Variants in NLGN1 observed in about 807,000 individuals in gnomAD.
The protein encoded by NLGN1 is neuroligin-1.
NLGN1 carries 12 observed loss-of-function variants against 65.5 expected under a neutral mutation model. The ratio of observed to expected loss-of-function variants is 0.18; its 90% CI spans 0.12 to 0.30. NLGN1 has a LOEUF of 0.30. Ranked by LOEUF, NLGN1 falls within the 10% of genes least tolerant of loss-of-function variation. The probability of loss-of-function intolerance (pLI) is 1.00; values close to 1 mark genes in which losing one functional copy is unlikely to be tolerated. For synonymous variants in NLGN1, 350 were observed against 359.5 expected (o/e 0.97, Z 0.30); for missense variants, 750 against 1,007.1 (o/e 0.74, Z 3.46).
At chr3:173,841,320 A>G (rs561379727) in intron 4 of NLGN1, among the ~76,000 whole-genome samples, 2 of 152,266 alleles carry the variant, frequency 1.3e-5, no homozygotes, top group African/African-American at 2.4e-5. Flanking sequence ...ATGAGAATAT[A>G]TTTATTTCTC....
intron 3 of NLGN1, among the ~76,000 whole-genome samples, chr3:173,651,854 G>A (rs141365746): frequency 7.9e-5 from 12 of 152,014 alleles, no homozygotes; most frequent in Non-Finnish European, 1.6e-4. Context: ...GTGCAGTGGC[G>A]TGGTCTTGGC....
chr3:173,811,436 T>C (rs1717893817), intron 4 of NLGN1, among the ~76,000 whole-genome samples: 1 of 151,518 alleles, frequency 6.6e-6, no homozygotes, highest in African/African-American at 2.4e-5. Flanking sequence ...TGGTGGTGGG[T>C]GCCTGTAATC....
At chr3:174,245,260 T>C (rs960537550) in intron 4 of NLGN1, among the ~76,000 whole-genome samples, 9 of 152,124 alleles carry the variant, frequency 5.9e-5, no homozygotes, top group Non-Finnish European at 2.9e-5. Context: ...AATTTTTAGT[T>C]CAAAAGGCAA....
intron 4 of NLGN1, among the ~76,000 whole-genome samples, chr3:174,082,430 AT>A (rs889233710): frequency 3.3e-5 from 5 of 151,948 alleles, no homozygotes; most frequent in Non-Finnish European, 5.9e-5. Context: ...TTTAGCAATC[AT>A]TTTTCTATGA....
chr3:173,480,347 G>A (rs556164111), intron 2 of NLGN1, among the ~76,000 whole-genome samples: 1 of 152,100 alleles, frequency 6.6e-6, no homozygotes, highest in African/African-American at 2.4e-5. Flanking sequence ...TATTGAAATT[G>A]TCCAACTCTC....
intron 2 of NLGN1, among the ~76,000 whole-genome samples, chr3:173,546,283 T>C (rs1187988023): frequency 1.3e-5 from 2 of 152,158 alleles, no homozygotes; most frequent in Non-Finnish European, 1.5e-5. Context: ...CCCCTGGCAC[T>C]TGGGATTTTC....
intron 1 of NLGN1, among the ~76,000 whole-genome samples, chr3:173,408,901 G>C (rs1711893885): frequency 7.8e-6 from 1 of 128,592 alleles, no homozygotes; most frequent in Non-Finnish European, 1.6e-5. Flanking sequence ...AACAGAGCGA[G>C]ACTCTGTCTC....
At chr3:174,151,158 AAG>A (rs1724267171) in intron 4 of NLGN1, among the ~76,000 whole-genome samples, 1 of 127,288 alleles carries the variant, frequency 7.9e-6, no homozygotes, top group East Asian at 2.8e-4. Context: ...TACACATAGA[AAG>A]CCAAAAAAAA....
At chr3:173,399,478 A>T (rs2148595895) in intron 1 of NLGN1, 1 of 152,300 alleles carries the variant, frequency 6.6e-6, no homozygotes, top group East Asian at 1.9e-4. Flanking sequence ...ACTTACATTT[A>T]GTAATAACAT....
In NLGN1 at chr3:174,172,591, T is replaced by A. The variant is rs1030439644; in HGVS notation, c.647-102724T>A. ...AAGAGTCTGTCCTTTCCCCAGTGTA[T>A]GTTCTTGGCACCGCTGGCAAAAACA... On this transcript the variant is annotated intron_variant, in intron 4 of 6. Coordinates refer to ENST00000457714, the Ensembl canonical transcript of NLGN1. 2.6e-5 allele frequency among the ~76,000 whole-genome samples: 4 copies of A among 152,254 alleles called. 1 individual carries two copies. In the East Asian group the frequency reaches 7.7e-4, roughly 29 times the overall value.
chr3:174,021,149 A>C (rs1302012171), intron 4 of NLGN1, among the ~76,000 whole-genome samples: 1 of 151,932 alleles, frequency 6.6e-6, no homozygotes, highest in Admixed American at 6.6e-5. Flanking sequence ...AGTGGTAAAG[A>C]TAAGAAACTT....
At chr3:173,803,691 G>GGCC (rs1715983408) in intron 3 of NLGN1, among the ~76,000 whole-genome samples, 1 of 152,054 alleles carries the variant, frequency 6.6e-6, no homozygotes, top group African/African-American at 2.4e-5. Context: ...AGCTAAAAAG[G>GGCC]TGTGTTTAAT....
chr3:173,398,072 G>T (rs1716949372), upstream of NLGN1: 1 of 152,326 alleles, frequency 6.6e-6, no homozygotes, highest in Admixed American at 6.5e-5. Flanking sequence ...AGGTACAAAA[G>T]AAATAAGGAA....
At chr3:173,942,528 G>C (rs1434335827) in intron 4 of NLGN1, among the ~76,000 whole-genome samples, 1 of 152,148 alleles carries the variant, frequency 6.6e-6, no homozygotes, top group African/African-American at 2.4e-5. Context: ...GCGCCAAAAA[G>C]AGTTGAAAAT....
chr3:174,001,404 A>G (rs1395267898), intron 4 of NLGN1, among the ~76,000 whole-genome samples: 2 of 152,142 alleles, frequency 1.3e-5, no homozygotes, highest in African/African-American at 4.8e-5. Context: ...ACTCACCTTT[A>G]GATCCATTTA....
At chr3:174,141,005 G>T (rs1577067335) in intron 4 of NLGN1, among the ~76,000 whole-genome samples, 1 of 151,960 alleles carries the variant, frequency 6.6e-6, no homozygotes, top group Non-Finnish European at 1.5e-5. Flanking sequence ...GCCAAATAGT[G>T]CAATTTCAGT....
intron 3 of NLGN1, among the ~76,000 whole-genome samples, chr3:173,653,760 T>A (rs1251863501): frequency 3.9e-5 from 6 of 152,134 alleles, no homozygotes; most frequent in Non-Finnish European, 5.9e-5. Flanking sequence ...AGAAGTGACA[T>A]TCTGAGACTT....
At chr3:173,445,677 T>G (rs1720137480) in intron 2 of NLGN1, among the ~76,000 whole-genome samples, 1 of 152,226 alleles carries the variant, frequency 6.6e-6, no homozygotes, top group Non-Finnish European at 1.5e-5. Flanking sequence ...TTGCTAAAAC[T>G]TTGGAGCCAT....
Position 173,419,950 on chromosome 3 carries a change from C to T in NLGN1, c.-389-15060C>T, listed in dbSNP as rs377691769. 1.1e-4 allele frequency among the ~76,000 whole-genome samples: 17 copies of T among 149,556 alleles called. 1 individual carries two copies. Among genetic ancestry groups the T allele is most frequent in the South Asian group, 4.2e-4 (2 of 4,746 alleles). ...ATCGCACCATTGCACTCCAGCCTGG[C>T]GACACAGAGAGACTCAGTCTCAAAA... On this transcript the variant is annotated intron_variant, in intron 1 of 6. Coordinates refer to ENST00000457714, the Ensembl canonical transcript of NLGN1.
Sources: allele counts gnomAD v4.1 joint callset (sites outside exome capture counted in the v4.1 genomes callset), GRCh38; gene constraint gnomAD v4.1.1; transcripts MANE v1.5; gene names NCBI Gene and HGNC (gene_info 2026-07-23, HGNC 2026-07-21).